ENTHD1: variants seen among roughly 807,000 people sequenced by gnomAD.
The protein encoded by ENTHD1 is ENTH domain-containing protein 1.
ENTHD1 carries 23 observed loss-of-function variants against 39.1 expected under a neutral mutation model. The ratio of observed to expected loss-of-function variants is 0.59; its 90% CI spans 0.42 to 0.83. The LOEUF is 0.83. ENTHD1 is among the 40% of genes least tolerant of loss of function. ENTHD1 has a pLI of 0.00. For missense variants in ENTHD1, 624 were observed against 705.4 expected (o/e 0.88, Z 1.31); for synonymous variants, 230 against 258.2 (o/e 0.89, Z 1.05).
chr22:39,890,594 G>A (rs2066419079), intron 1 of ENTHD1, among the ~76,000 whole-genome samples: 1 of 151,972 alleles, frequency 6.6e-6, no homozygotes, highest in South Asian at 2.1e-4. Flanking sequence ...TAATTTTTAG[G>A]TTTTTCTACA....
At position 39,744,303 on chromosome 22, in the gene ENTHD1, GAAAA is replaced by G; in HGVS notation, c.1220-24_1220-21del. 1 of 1,550,534 alleles carries G rather than the reference GAAAA, an allele frequency of 6.4e-7. No homozygotes were observed. Among genetic ancestry groups the G allele is most frequent in the Non-Finnish European group, 8.7e-7 (1 of 1,153,436 alleles). On this transcript the variant is annotated intron_variant, in intron 6 of 6. Coordinates refer to ENST00000325157, the MANE Select transcript of ENTHD1 (RefSeq NM_152512.4). ...TTGAAACTAAAATGTGTAAATGAGA[GAAAA>G]AAGATTTATGCAACATACAAATGAG...
Position 39,743,631 on chromosome 22 carries a change from G to C in ENTHD1, c.*48C>G, listed in dbSNP as rs1417568577. Reference sequence around the variant, plus strand: ...TTTATACAATGCTAACGTAAGTCTTGGGGAAGTGGAACCACACGAGTTCTA... The same window carrying C: ...TTTATACAATGCTAACGTAAGTCTTCGGGAAGTGGAACCACACGAGTTCTA... On this transcript the variant is annotated 3_prime_UTR_variant, in exon 7 of 7. Coordinates refer to ENST00000325157, the MANE Select transcript of ENTHD1 (RefSeq NM_152512.4). The C allele has an allele frequency of 6.6e-7, 1 of 1,524,116 alleles. No individual in the cohort carries two copies. The highest frequency in any genetic ancestry group is 2.3e-5 in the East Asian group (1 of 43,992). 94.4% of individuals were successfully genotyped at this position (1,524,116 alleles called of 1,614,324 possible).
intron 3 of ENTHD1, among the ~76,000 whole-genome samples, chr22:39,837,123 A>G (rs1317916173): frequency 6.6e-6 from 1 of 152,198 alleles, no homozygotes; most frequent in African/African-American, 2.4e-5. Flanking sequence ...TATTAGTACC[A>G]ACTCTAAAAA....
At chr22:39,764,592 A>G (rs2065260092) in intron 6 of ENTHD1, among the ~76,000 whole-genome samples, 1 of 151,992 alleles carries the variant, frequency 6.6e-6, no homozygotes, top group Non-Finnish European at 1.5e-5. Flanking sequence ...TTTACTAGTA[A>G]ACTTTAAAGT....
At position 39,861,748 on chromosome 22, in the gene ENTHD1, A is replaced by C. The variant is rs376954364; in HGVS notation, c.592+17T>G. On this transcript the variant is annotated intron_variant, in intron 3 of 6. Transcript: ENST00000325157. ...ATGATACCTGTTGCATTTTAGGCCA[A>C]TGTTCATTATACGTACTTTTATTAT... The C allele has an allele frequency of 1.4e-6, 2 of 1,454,912 alleles. No homozygotes were observed. The highest frequency in any genetic ancestry group is 2.8e-5 in the African/African-American group (2 of 71,786). The allele number at this position is 1,454,912 out of a possible 1,614,324, so 90.1% of individuals were successfully genotyped here. A position where few individuals can be genotyped will look rare whatever the true frequency, so the allele number is the denominator to read the frequency against.
At chr22:39,835,814 G>A (rs917681967) in intron 4 of ENTHD1, 26 bp downstream of exon 4, 2 of 1,495,832 alleles carry the variant, frequency 1.3e-6, no homozygotes, top group Non-Finnish European at 9.2e-7. Context: ...ATTTATTACA[G>A]CAGCTATAGG....
At chr22:39,860,024 C>T (rs2066126876) in intron 3 of ENTHD1, among the ~76,000 whole-genome samples, 1 of 152,268 alleles carries the variant, frequency 6.6e-6, no homozygotes, top group South Asian at 2.1e-4. Context: ...AAACCCACCC[C>T]TGTCACTCTG....
chr22:39,824,324 C>T (rs1165009799), intron 4 of ENTHD1, among the ~76,000 whole-genome samples: 5 of 151,048 alleles, frequency 3.3e-5, no homozygotes, highest in Non-Finnish European at 2.9e-5. Context: ...ATTTTCCTGC[C>T]TCAGCCTCCC....
intron 1 of ENTHD1, among the ~76,000 whole-genome samples, chr22:39,891,808 CG>C (rs2066429305): frequency 6.6e-6 from 1 of 151,718 alleles, no homozygotes; most frequent in South Asian, 2.1e-4. Flanking sequence ...TTAGTAGAGA[CG>C]GGGTTTCACC....
intron 3 of ENTHD1, among the ~76,000 whole-genome samples, chr22:39,838,263 T>C (rs2146680672): frequency 6.6e-6 from 1 of 152,290 alleles, no homozygotes; most frequent in East Asian, 1.9e-4. Context: ...AGAAAGTAAA[T>C]TACTCCTTAT....
chr22:39,775,573 A>G (rs2065359468), intron 5 of ENTHD1, among the ~76,000 whole-genome samples: 1 of 152,222 alleles, frequency 6.6e-6, no homozygotes, highest in Non-Finnish European at 1.5e-5. Context: ...GTATGGGAGA[A>G]TCAGCTGCAC....
At chr22:39,875,705 A>G in intron 2 of ENTHD1, 1 of 1,612,740 alleles carries the variant, frequency 6.2e-7, no homozygotes, top group African/African-American at 1.3e-5. Flanking sequence ...GTTCGTTTCC[A>G]GCATGAGTGC....
intron 2 of ENTHD1, among the ~76,000 whole-genome samples, chr22:39,873,818 C>G (rs2066264074): frequency 6.6e-6 from 1 of 152,170 alleles, no homozygotes; most frequent in African/African-American, 2.4e-5. Flanking sequence ...CTATAAATAT[C>G]TGGAAGAAAA....
At chr22:39,783,781 G>C (rs899870773) in intron 5 of ENTHD1, among the ~76,000 whole-genome samples, 1 of 152,060 alleles carries the variant, frequency 6.6e-6, no homozygotes, top group African/African-American at 2.4e-5. Context: ...CCTAAGACTT[G>C]ACACTATGAA....
intron 3 of ENTHD1, among the ~76,000 whole-genome samples, chr22:39,839,361 A>G (rs1462625118): frequency 1.3e-5 from 2 of 152,198 alleles, no homozygotes; most frequent in Admixed American, 1.3e-4. Context: ...TAAGGAGGAA[A>G]ACAACAATGT....
At chr22:39,855,040 A>C (rs2066073785) in intron 3 of ENTHD1, among the ~76,000 whole-genome samples, 1 of 152,210 alleles carries the variant, frequency 6.6e-6, no homozygotes, top group Non-Finnish European at 1.5e-5. Flanking sequence ...ATCTTTAAAC[A>C]CTACTGTTTC....
chr22:39,752,812 GATGA>G (rs1450408003), intron 6 of ENTHD1, among the ~76,000 whole-genome samples: 7 of 152,222 alleles, frequency 4.6e-5, no homozygotes, highest in Admixed American at 6.5e-5. Context: ...TCCCTGGAGG[GATGA>G]TGAAGGCTGC....
rs190221698 is a variant in ENTHD1 at position 39,856,592 on chromosome 22, A to G, written c.592+5173T>C. Among the ~76,000 whole-genome samples, 15 of 152,336 alleles carry G rather than the reference A, an allele frequency of 9.8e-5. No homozygotes were observed. The East Asian group carries it at 1.9e-3, about 20-fold the overall frequency. ...TTTAAATGGTACTCTTACTATAGAT[A>G]TACAATAATGATGCCATCATTGACT... On this transcript the variant is annotated intron_variant, in intron 3 of 6. Transcript: ENST00000325157.
intron 2 of ENTHD1, among the ~76,000 whole-genome samples, chr22:39,865,720 G>A (rs1022437761): frequency 2.0e-5 from 3 of 152,188 alleles, no homozygotes; most frequent in South Asian, 2.1e-4. Context: ...TAGATGAGGT[G>A]CAGGTTAAAG....
Sources: allele counts gnomAD v4.1 joint callset (sites outside exome capture counted in the v4.1 genomes callset), GRCh38; gene constraint gnomAD v4.1.1; transcripts MANE v1.5; gene names NCBI Gene and HGNC (gene_info 2026-07-23, HGNC 2026-07-21).